The following MARCHF1 variants were observed in gnomAD, a reference collection of about 807,000 sequenced individuals.
The protein encoded by MARCHF1 is E3 ubiquitin-protein ligase MARCHF1.
A neutral mutation model predicts 54.2 loss-of-function variants in MARCHF1; 40 were observed. The ratio of observed to expected loss-of-function variants is 0.74; its 90% CI spans 0.57 to 0.96. The LOEUF (loss-of-function observed/expected upper bound fraction) is 0.96. MARCHF1 is among the 40% of genes least tolerant of loss of function. MARCHF1 has a pLI of 0.00. For synonymous variants in MARCHF1, 236 were observed against 236.3 expected (o/e 1.00, Z 0.01); for missense variants, 586 against 656.5 (o/e 0.89, Z 1.17).
intron 3 of MARCHF1, among the ~76,000 whole-genome samples, chr4:163,869,601 A>T (rs1465943725): frequency 6.6e-6 from 1 of 152,108 alleles, no homozygotes; most frequent in Non-Finnish European, 1.5e-5. Flanking sequence ...TCTGTCAGAC[A>T]ACCCAATGGA....
chr4:164,074,721 A>G (rs1322751534), intron 2 of MARCHF1, among the ~76,000 whole-genome samples: 1 of 152,056 alleles, frequency 6.6e-6, no homozygotes, highest in African/African-American at 2.4e-5. Flanking sequence ...CAGGTTATGT[A>G]TAGTACAAAT....
chr4:163,667,184 A>T (rs1054041683), intron 5 of MARCHF1, among the ~76,000 whole-genome samples: 3 of 152,142 alleles, frequency 2.0e-5, no homozygotes, highest in Non-Finnish European at 4.4e-5. Flanking sequence ...TTTATTTTAG[A>T]TTCAGGAGGA....
chr4:163,733,446 C>CT (rs577218275), intron 4 of MARCHF1, among the ~76,000 whole-genome samples: 68 of 144,474 alleles, frequency 4.7e-4, no homozygotes, highest in African/African-American at 1.4e-3. Context: ...ATCTAGCCTT[C>CT]TTTTTTTTTA....
chr4:163,990,662 C>A (rs1315059550), intron 2 of MARCHF1, among the ~76,000 whole-genome samples: 1 of 152,108 alleles, frequency 6.6e-6, no homozygotes, highest in Non-Finnish European at 1.5e-5. Context: ...GCTTAATGTT[C>A]ACATCTGTGG....
intron 2 of MARCHF1, among the ~76,000 whole-genome samples, chr4:164,087,003 T>G (rs2111124368): frequency 6.6e-6 from 1 of 152,214 alleles, no homozygotes; most frequent in South Asian, 2.1e-4. Flanking sequence ...AGTATGTGTT[T>G]AATAAGTATG....
chr4:164,325,356 T>TA (rs1561003093), intron 1 of MARCHF1, among the ~76,000 whole-genome samples: 2 of 149,348 alleles, frequency 1.3e-5, no homozygotes, highest in East Asian at 2.0e-4. Flanking sequence ...TATATATATA[T>TA]TTGCACAGAC....
At chr4:164,183,373 G>T (rs2111021173) in intron 1 of MARCHF1, among the ~76,000 whole-genome samples, 1 of 152,018 alleles carries the variant, frequency 6.6e-6, no homozygotes, top group East Asian at 1.9e-4. Context: ...TGAGTATTTG[G>T]TCTATTTCTT....
intron 1 of MARCHF1, among the ~76,000 whole-genome samples, chr4:164,288,026 T>C (rs1734193976): frequency 6.6e-6 from 1 of 152,012 alleles, no homozygotes; most frequent in South Asian, 2.1e-4. Flanking sequence ...CTGCTGTGAG[T>C]AGCTTATGAG....
chr4:164,035,534 T>A (rs945765666), intron 2 of MARCHF1, among the ~76,000 whole-genome samples: 1 of 151,764 alleles, frequency 6.6e-6, no homozygotes, highest in African/African-American at 2.4e-5. Flanking sequence ...AAGTATATTG[T>A]CTCTTTTCTT....
intron 1 of MARCHF1, among the ~76,000 whole-genome samples, chr4:164,134,744 T>C (rs1437055842): frequency 6.6e-6 from 1 of 152,120 alleles, no homozygotes; most frequent in African/African-American, 2.4e-5. Flanking sequence ...TCTCTCCTTT[T>C]TTTAACTCCT....
intron 7 of MARCHF1, among the ~76,000 whole-genome samples, chr4:163,599,162 G>C (rs969452186): frequency 1.3e-5 from 2 of 151,954 alleles, no homozygotes; most frequent in African/African-American, 2.4e-5. Context: ...GGTGGCGGGC[G>C]CCTGTAATCC....
intron 5 of MARCHF1, among the ~76,000 whole-genome samples, chr4:163,676,532 A>G (rs1162231897): frequency 6.6e-6 from 1 of 152,178 alleles, no homozygotes; most frequent in African/African-American, 2.4e-5. Flanking sequence ...GGATTGCTGG[A>G]GGCCAAGAGT....
intron 2 of MARCHF1, among the ~76,000 whole-genome samples, chr4:164,102,327 T>A: frequency 1.4e-5 from 1 of 73,342 alleles, no homozygotes; most frequent in Non-Finnish European, 3.0e-5. Flanking sequence ...TTCACCAAAG[T>A]TGAAATGAAG....
At chr4:163,980,094 T>C (rs1399183452) in intron 3 of MARCHF1, among the ~76,000 whole-genome samples, 1 of 147,694 alleles carries the variant, frequency 6.8e-6, no homozygotes, top group Non-Finnish European at 1.5e-5. Flanking sequence ...GCTGGAGGCA[T>C]CACACTACCT....
At chr4:164,198,689 AATT>A (rs1190959628) in intron 1 of MARCHF1, among the ~76,000 whole-genome samples, 8 of 152,352 alleles carry the variant, frequency 5.3e-5, no homozygotes, top group Non-Finnish European at 8.8e-5. Flanking sequence ...TCTGAGCCGT[AATT>A]CCACCAGGAA....
At chr4:163,859,523 G>A (rs1320633919) in intron 3 of MARCHF1, among the ~76,000 whole-genome samples, 1 of 151,896 alleles carries the variant, frequency 6.6e-6, no homozygotes, top group African/African-American at 2.4e-5. Flanking sequence ...CCACACCCGG[G>A]TAATTTTTTG....
intron 2 of MARCHF1, among the ~76,000 whole-genome samples, chr4:164,010,232 T>C (rs536802303): frequency 2.0e-5 from 3 of 149,000 alleles, no homozygotes; most frequent in Admixed American, 2.0e-4. Context: ...ACGCTCAGCG[T>C]TTTTTTTTGT....
intron 3 of MARCHF1, among the ~76,000 whole-genome samples, chr4:163,984,315 G>T (rs1001253051): frequency 1.3e-5 from 2 of 152,146 alleles, no homozygotes; most frequent in Non-Finnish European, 2.9e-5. Context: ...TATAAACAAA[G>T]GGGTTTGGTT....
rs34542365 is a variant in MARCHF1 at position 163,648,612 on chromosome 4, T to TAA, written c.163-35221_163-35220dup. Among the ~76,000 whole-genome samples, 779 of 105,208 alleles carry TAA rather than the reference T, an allele frequency of 7.4e-3. 6 individuals are homozygous for TAA. Among genetic ancestry groups the TAA allele is most frequent in the African/African-American group, 0.016 (453 of 28,896 alleles). The allele number at this position is 105,208 out of a possible 152,430, so 69.0% of individuals were successfully genotyped here. ...GGGTAGCAAATTATAGCCCATGAGC[T>TAA]AAAAAAAAAAAAAAAAACTAGAGAG... On this transcript the variant is annotated intron_variant, in intron 5 of 9. Transcript: ENST00000514618.
Sources: gnomAD v4.1 joint callset for allele counts (sites outside exome capture counted in the v4.1 genomes callset) on GRCh38, gnomAD v4.1.1 for gene constraint, MANE v1.5 for transcripts, NCBI Gene and HGNC (gene_info 2026-07-23, HGNC 2026-07-21) for gene names.